Variants in REPS2 observed in about 807,000 individuals in gnomAD.
REPS2 encodes ralBP1-associated Eps domain-containing protein 2.
REPS2 carries 23 observed loss-of-function variants against 53.6 expected under a neutral mutation model. That is an observed-to-expected ratio of 0.43 (90% CI 0.31 to 0.61). The LOEUF is 0.61. Among genes scored for constraint, REPS2 ranks in the 20% least tolerant of loss-of-function variants. The pLI is 0.11. For synonymous variants in REPS2, 238 were observed against 218.6 expected (o/e 1.09, Z -0.78); for missense variants, 446 against 534.9 (o/e 0.83, Z 1.64).
Position 17,047,411 on chromosome X carries a change from CAGA to C in REPS2, c.841_843del (p.Glu281del). 2.5e-6 allele frequency: 3 copies of C among 1,210,734 alleles called. No homozygotes were observed. The highest frequency in any genetic ancestry group is 3.4e-6 in the Non-Finnish European group (3 of 894,929). The stretch of plus-strand genomic sequence containing the variant: ...TACCCCGACGAACCCTGGAGGATAA[CAGA>C]AGAACAGCGCGAGTACTATGTCAAT... On this transcript the variant is annotated inframe_deletion, in exon 6 of 18. Transcript: ENST00000357277.
At chrX:17,012,416 A>AACAACAAG (rs1569124855) in intron 2 of REPS2, among the ~76,000 whole-genome samples, 95 of 96,764 alleles carry the variant, frequency 9.8e-4, no homozygotes, top group African/African-American at 3.6e-3. Flanking sequence ...ACAACAACAA[A>AACAACAAG]CAAAACCCTA....
At chrX:17,170,841 C>A in the REPS2 span, among the ~76,000 whole-genome samples, 1 of 112,902 alleles carries the variant, frequency 8.9e-6, no homozygotes, top group African/African-American at 3.2e-5. Flanking sequence ...CTCCTTGAGA[C>A]AACAAGCCAT....
intron 1 of REPS2, among the ~76,000 whole-genome samples, chrX:17,000,004 G>A (rs2061285027): frequency 1.2e-5 from 1 of 85,275 alleles, no homozygotes; most frequent in African/African-American, 4.9e-5. Context: ...CCGAGATCCC[G>A]CCACTGCACT....
chrX:17,028,305 A>T (rs1268771225), intron 4 of REPS2, among the ~76,000 whole-genome samples: 1 of 112,212 alleles, frequency 8.9e-6, no homozygotes, highest in Non-Finnish European at 1.9e-5. Flanking sequence ...GGCAGAGCGC[A>T]ATTGGTATTA....
intron 14 of REPS2, among the ~76,000 whole-genome samples, chrX:17,119,859 G>A (rs978439845): frequency 4.3e-5 from 4 of 92,591 alleles, no homozygotes; most frequent in African/African-American, 8.7e-5. Flanking sequence ...GTCCCCTATC[G>A]CACTGTGACT....
chrX:17,163,225 A>G, the REPS2 span, among the ~76,000 whole-genome samples: 1 of 112,005 alleles, frequency 8.9e-6, no homozygotes, highest in African/African-American at 3.2e-5. Context: ...ACCAGAGGGG[A>G]AAAACAGCAA....
chrX:17,125,959 C>T (rs111980183), intron 14 of REPS2, among the ~76,000 whole-genome samples: 2,798 of 111,928 alleles, frequency 0.025, 92 homozygotes, highest in African/African-American at 0.088. Context: ...ATAAGTGTGA[C>T]GAGTACCTGG....
At chrX:17,080,436 C>G (rs1487641648) in intron 13 of REPS2, among the ~76,000 whole-genome samples, 1 of 110,938 alleles carries the variant, frequency 9.0e-6, no homozygotes, top group African/African-American at 3.3e-5. Context: ...CTCCCCCACA[C>G]CACCACCTTG....
chrX:17,085,744 A>G (rs934581167), intron 13 of REPS2, among the ~76,000 whole-genome samples: 1 of 111,603 alleles, frequency 9.0e-6, no homozygotes, highest in African/African-American at 3.3e-5. Flanking sequence ...AAAATTTCAA[A>G]TTTATGCAAA....
At chrX:17,134,279 T>A (rs2063332562) in intron 15 of REPS2, among the ~76,000 whole-genome samples, 1 of 111,843 alleles carries the variant, frequency 8.9e-6, no homozygotes, top group Non-Finnish European at 1.9e-5. Context: ...TTTTGGTCTT[T>A]GTACCATGGT....
intron 14 of REPS2, among the ~76,000 whole-genome samples, chrX:17,132,549 T>A (rs1184360954): frequency 1.8e-5 from 2 of 112,769 alleles, no homozygotes; most frequent in Non-Finnish European, 3.8e-5. Context: ...CTTTTTTTTC[T>A]TTCCTGAGAC....
chrX:17,177,809 G>T, the REPS2 span, among the ~76,000 whole-genome samples: 1 of 111,817 alleles, frequency 8.9e-6, no homozygotes, highest in Non-Finnish European at 1.9e-5. Flanking sequence ...AAGTCAAGGG[G>T]TGTCCTACCT....
chrX:16,950,048 CAT>C (rs757114389), intron 1 of REPS2, among the ~76,000 whole-genome samples: 5 of 110,106 alleles, frequency 4.5e-5, no homozygotes, highest in African/African-American at 1.3e-4. Flanking sequence ...TCTCCACTAA[CAT>C]GTGGCAATCA....
chrX:17,051,407 C>G (rs1310913160), intron 6 of REPS2, among the ~76,000 whole-genome samples: 1 of 111,739 alleles, frequency 8.9e-6, no homozygotes, highest in Non-Finnish European at 1.9e-5. Context: ...TATGGTAGCT[C>G]TAATTGTAGT....
intron 1 of REPS2, among the ~76,000 whole-genome samples, chrX:16,995,827 A>C (rs113003349): frequency 1.0e-3 from 113 of 111,930 alleles, no homozygotes; most frequent in African/African-American, 3.5e-3. Context: ...CCTGTTCATA[A>C]CTGTGGACAG....
chrX:17,126,377 G>A (rs2063211346), intron 14 of REPS2, among the ~76,000 whole-genome samples: 2 of 112,105 alleles, frequency 1.8e-5, no homozygotes, highest in African/African-American at 6.5e-5. Context: ...ATGGCGTTTG[G>A]CATTAAGTCA....
intron 1 of REPS2, among the ~76,000 whole-genome samples, chrX:16,947,648 A>C (rs1331203007): frequency 8.9e-6 from 1 of 112,034 alleles, no homozygotes; most frequent in Non-Finnish European, 1.9e-5. Flanking sequence ...TACTATATGT[A>C]ATTGCCCATA....
At chrX:16,994,791 G>A (rs1468420670) in intron 1 of REPS2, among the ~76,000 whole-genome samples, 1 of 111,464 alleles carries the variant, frequency 9.0e-6, no homozygotes, top group Non-Finnish European at 1.9e-5. Context: ...AATACCATCT[G>A]TTCCCCCAAA....
intron 5 of REPS2, among the ~76,000 whole-genome samples, chrX:17,039,812 C>T (rs759292059): frequency 6.2e-5 from 7 of 112,121 alleles, no homozygotes; most frequent in South Asian, 3.7e-4. Flanking sequence ...TGGGAATTAC[C>T]GGATTTACCT....
Sources: allele counts gnomAD v4.1 joint callset (sites outside exome capture counted in the v4.1 genomes callset), GRCh38; gene constraint gnomAD v4.1.1; transcripts MANE v1.5; gene names NCBI Gene and HGNC (gene_info 2026-07-23, HGNC 2026-07-21).